Variants in GFRA2 observed in about 807,000 individuals in gnomAD.
The protein encoded by GFRA2 is GDNF family receptor alpha-2.
GFRA2 carries 17 observed loss-of-function variants against 48.3 expected under a neutral mutation model. That is an observed-to-expected ratio of 0.35 (90% CI 0.24 to 0.53). GFRA2 has a LOEUF of 0.53. Ranked by LOEUF, GFRA2 falls within the 20% of genes least tolerant of loss-of-function variation. GFRA2 has a pLI of 0.93. For synonymous variants in GFRA2, 305 were observed against 257.2 expected, an observed-to-expected ratio of 1.19 and a Z score of -1.78; for missense variants, 660 against 637.3, an observed-to-expected ratio of 1.04 and a Z score of -0.38.
chr8:21,792,512 T>C (rs1241404138), upstream of GFRA2, among the ~76,000 whole-genome samples: 2 of 152,088 alleles, frequency 1.3e-5, no homozygotes, highest in African/African-American at 4.8e-5. Flanking sequence ...CCAACGGCTG[T>C]GGGGAATACA....
intron 3 of GFRA2, among the ~76,000 whole-genome samples, chr8:21,764,893 G>A (rs145069578): frequency 3.8e-4 from 58 of 152,244 alleles, no homozygotes; most frequent in African/African-American, 1.4e-3. Flanking sequence ...ATTTCTGGTT[G>A]CTGATTTTAC....
At chr8:21,801,623 A>C (rs1470051452) in intron 2 of GFRA2, among the ~76,000 whole-genome samples, 1 of 141,536 alleles carries the variant, frequency 7.1e-6, no homozygotes, top group Non-Finnish European at 1.5e-5. Flanking sequence ...GGTTCAATGG[A>C]ACAAGGCATT....
At chr8:21,722,130 T>A (rs1803629441) in intron 4 of GFRA2, among the ~76,000 whole-genome samples, 1 of 152,162 alleles carries the variant, frequency 6.6e-6, no homozygotes, top group African/African-American at 2.4e-5. Context: ...AGGAAATGTT[T>A]AGCTGATCCC....
Position 21,693,178 on chromosome 8 carries a change from T to G in GFRA2, c.*100A>C. 1 of 1,187,224 alleles carries G rather than the reference T, an allele frequency of 8.4e-7. No homozygotes were observed. 73.5% of individuals were successfully genotyped at this position (1,187,224 alleles called of 1,614,324 possible). ...GACAAGGTGGGAAAAACAATTTTTT[T>G]TTTGCAAGGTGTGTGTGTGTCTGTG... On this transcript the variant is annotated 3_prime_UTR_variant, in exon 9 of 9. Coordinates refer to ENST00000524240, the MANE Select transcript of GFRA2 (RefSeq NM_001495.5).
intron 3 of GFRA2, among the ~76,000 whole-genome samples, chr8:21,762,876 G>A (rs757506987): frequency 6.6e-6 from 1 of 152,130 alleles, no homozygotes; most frequent in Non-Finnish European, 1.5e-5. Flanking sequence ...ACAATGATGA[G>A]TTGGGTTTAA....
At chr8:21,696,586 G>T (rs1331368058) in intron 7 of GFRA2, among the ~76,000 whole-genome samples, 1 of 152,154 alleles carries the variant, frequency 6.6e-6, no homozygotes, top group Non-Finnish European at 1.5e-5. Context: ...AGAGCAGCTG[G>T]CAAAGCAACC....
At chr8:21,753,534 A>C (rs1365941137) in intron 3 of GFRA2, among the ~76,000 whole-genome samples, 1 of 152,090 alleles carries the variant, frequency 6.6e-6, no homozygotes, top group Non-Finnish European at 1.5e-5. Context: ...CACTTGAATC[A>C]CTTGAACCCG....
chr8:21,745,225 G>A (rs1453940723), intron 4 of GFRA2, among the ~76,000 whole-genome samples: 2 of 152,198 alleles, frequency 1.3e-5, no homozygotes, highest in African/African-American at 4.8e-5. Flanking sequence ...AGGTGAGGTC[G>A]GCTCTGGAAG....
intron 4 of GFRA2, among the ~76,000 whole-genome samples, chr8:21,727,560 G>A (rs1000063728): frequency 2.6e-5 from 4 of 152,182 alleles, no homozygotes; most frequent in African/African-American, 9.7e-5. Flanking sequence ...AGACAGGCTG[G>A]ATGACCAAAG....
At chr8:21,749,491 C>G (rs1391863309) in intron 4 of GFRA2, among the ~76,000 whole-genome samples, 1 of 151,370 alleles carries the variant, frequency 6.6e-6, no homozygotes, top group East Asian at 2.0e-4. Context: ...CCGTCCGACT[C>G]CAGGACCCAT....
chr8:21,779,972 A>AG (rs1806894240), intron 2 of GFRA2, among the ~76,000 whole-genome samples: 1 of 151,272 alleles, frequency 6.6e-6, no homozygotes, highest in Admixed American at 6.6e-5. Context: ...ACCATTCCAC[A>AG]GAAGACCCTT....
In GFRA2 at chr8:21,788,504, C is replaced by A; in HGVS notation, c.-345G>T. 1 of 1,069,332 alleles carries A rather than the reference C, an allele frequency of 9.4e-7. No individual in the cohort carries two copies. The highest frequency in any genetic ancestry group is 4.2e-5 in the South Asian group (1 of 23,592). 66.2% of individuals were successfully genotyped at this position (1,069,332 alleles called of 1,614,324 possible). ...GGGAAGGCGTGAGTCCCCGCGGGTC[C>A]AATTCCCCTGCGCTTCCCAGGAGGG... On this transcript the variant is annotated 5_prime_UTR_variant, in exon 1 of 9. Transcript: ENST00000524240.
In GFRA2 at chr8:21,750,985, T is replaced by C; in HGVS notation, c.440-43A>G. The C allele has an allele frequency of 7.5e-7, 1 of 1,338,070 alleles. No homozygotes were observed. The highest frequency in any genetic ancestry group is 1.1e-6 in the Non-Finnish European group (1 of 949,828). 82.9% of individuals were successfully genotyped at this position (1,338,070 alleles called of 1,614,324 possible). On this transcript the variant is annotated intron_variant, in intron 3 of 8. Coordinates refer to ENST00000524240, the MANE Select transcript of GFRA2 (RefSeq NM_001495.5). The surrounding 1 kb of genome is among the most constrained non-coding windows in gnomAD (Gnocchi z 5.7). ...GAGCAGGTCAGAGGCCACACAAGCA[T>C]GAGGAGGACACAGCTGCCCCCTCAC...
intron 1 of GFRA2, among the ~76,000 whole-genome samples, chr8:21,809,376 G>C (rs147641069): frequency 5.1e-4 from 78 of 152,316 alleles, no homozygotes; most frequent in African/African-American, 1.8e-3. Context: ...CCAGGCTGGA[G>C]TGCAGTGGCG....
At chr8:21,776,617 C>T (rs938435492) in intron 2 of GFRA2, among the ~76,000 whole-genome samples, 16 of 151,974 alleles carry the variant, frequency 1.1e-4, no homozygotes, top group African/African-American at 3.9e-4. Context: ...ATTACAGGCA[C>T]GTGCCACCAT....
chr8:21,784,331 G>C, intron 1 of GFRA2: 1 of 456,214 alleles, frequency 2.2e-6, no homozygotes, highest in Non-Finnish European at 4.4e-6. Flanking sequence ...AGCCATGACT[G>C]CCCTTTCCTG....
At chr8:21,745,106 T>C (rs1455665492) in intron 4 of GFRA2, among the ~76,000 whole-genome samples, 1 of 152,224 alleles carries the variant, frequency 6.6e-6, no homozygotes, top group East Asian at 1.9e-4. Flanking sequence ...GCTGGTGACA[T>C]TTAATAAGAC....
intron 4 of GFRA2, among the ~76,000 whole-genome samples, chr8:21,745,239 TTCCCCCAAGAATCC>T (rs1804948049): frequency 6.6e-6 from 1 of 152,188 alleles, no homozygotes; most frequent in Non-Finnish European, 1.5e-5. Flanking sequence ...CTGGAAGAGC[TTCCCCCAAGAATCC>T]TCCACCAAGA....
chr8:21,807,290 G>T (rs971516100), intron 1 of GFRA2, among the ~76,000 whole-genome samples: 3 of 152,146 alleles, frequency 2.0e-5, no homozygotes, highest in African/African-American at 7.2e-5. Context: ...GCCACCTCTT[G>T]CTGTCTTGCT....
Sources: allele counts gnomAD v4.1 joint callset (sites outside exome capture counted in the v4.1 genomes callset), GRCh38; gene constraint gnomAD v4.1.1; non-coding constraint Gnocchi (gnomAD v3.1); transcripts MANE v1.5; gene names NCBI Gene and HGNC (gene_info 2026-07-23, HGNC 2026-07-21).